PTPRT: variants seen among roughly 807,000 people sequenced by gnomAD.
PTPRT encodes the protein receptor-type tyrosine-protein phosphatase T.
PTPRT carries 56 observed loss-of-function variants against 176.8 expected under a neutral mutation model. That is an observed-to-expected ratio of 0.32 (90% CI 0.26 to 0.40). The LOEUF is 0.40. Ranked by LOEUF, PTPRT falls within the 10% of genes least tolerant of loss-of-function variation. PTPRT has a pLI of 1.00. For synonymous variants in PTPRT, 783 were observed against 739.0 expected, an observed-to-expected ratio of 1.06 and a Z score of -0.96; for missense variants, 1,540 against 1,908.2, an observed-to-expected ratio of 0.81 and a Z score of 3.60.
chr20:42,537,813 C>G (rs1026175022), intron 7 of PTPRT, among the ~76,000 whole-genome samples: 1 of 152,090 alleles, frequency 6.6e-6, no homozygotes, highest in African/African-American at 2.4e-5. Context: ...TTAGATTTCA[C>G]GGGTAATGGC....
At chr20:42,041,539 T>C in the PTPRT span, among the ~76,000 whole-genome samples, 1 of 152,192 alleles carries the variant, frequency 6.6e-6, no homozygotes, top group East Asian at 1.9e-4. Flanking sequence ...GTTCAGCCCC[T>C]TAACATTTAT....
intron 1 of PTPRT, among the ~76,000 whole-genome samples, chr20:43,030,628 C>A (rs1986104272): frequency 6.6e-6 from 1 of 152,100 alleles, no homozygotes; most frequent in African/African-American, 2.4e-5. Context: ...CCACTGGAAT[C>A]AGGTTGAGAA....
At chr20:42,087,543 G>A (rs905334973) in intron 27 of PTPRT, among the ~76,000 whole-genome samples, 1 of 150,638 alleles carries the variant, frequency 6.6e-6, no homozygotes, top group African/African-American at 2.4e-5. Context: ...CACTGCACCT[G>A]GCCATAAATT....
intron 24 of PTPRT, among the ~76,000 whole-genome samples, chr20:42,105,091 G>A (rs1986310035): frequency 6.6e-6 from 1 of 152,170 alleles, no homozygotes; most frequent in African/African-American, 2.4e-5. Context: ...GGGATACTTG[G>A]GCTGTGTGGA....
At chr20:42,407,372 C>G (rs2058971669) in intron 9 of PTPRT, among the ~76,000 whole-genome samples, 1 of 152,180 alleles carries the variant, frequency 6.6e-6, no homozygotes, top group Admixed American at 6.5e-5. Context: ...ATTCACTTTT[C>G]ACTGGAGTCA....
At chr20:42,456,519 GC>G (rs768189190) in intron 8 of PTPRT, among the ~76,000 whole-genome samples, 4 of 151,942 alleles carry the variant, frequency 2.6e-5, no homozygotes, top group African/African-American at 4.8e-5. Flanking sequence ...GGTTGAGGGG[GC>G]CCATTTTTAT....
intron 16 of PTPRT, 85 bp downstream of exon 16, chr20:42,199,155 T>C: frequency 6.7e-7 from 1 of 1,492,378 alleles, no homozygotes; most frequent in Non-Finnish European, 9.1e-7. Context: ...TGGCAGCACC[T>C]GATCAATGTG....
At chr20:42,543,808 CA>C (rs1330291229) in intron 7 of PTPRT, among the ~76,000 whole-genome samples, 11 of 151,938 alleles carry the variant, frequency 7.2e-5, no homozygotes, top group African/African-American at 2.7e-4. Flanking sequence ...GGCATGAAAA[CA>C]ACGTTAATCT....
chr20:42,096,196 G>A (rs891984427), intron 27 of PTPRT, among the ~76,000 whole-genome samples: 6 of 152,124 alleles, frequency 3.9e-5, no homozygotes, highest in East Asian at 1.9e-4. Flanking sequence ...TCTCCTCCCC[G>A]GTCTCCTGGT....
intron 1 of PTPRT, among the ~76,000 whole-genome samples, chr20:43,111,058 A>G (rs1345059252): frequency 6.6e-6 from 1 of 152,176 alleles, no homozygotes; most frequent in African/African-American, 2.4e-5. Context: ...ACCAGAGGCT[A>G]GGAAGGGAAA....
intron 1 of PTPRT, among the ~76,000 whole-genome samples, chr20:42,999,281 CA>C (rs1302961798): frequency 6.6e-6 from 1 of 152,114 alleles, no homozygotes; most frequent in African/African-American, 2.4e-5. Context: ...AAGCACACGT[CA>C]AAAAGCAAAC....
intron 1 of PTPRT, among the ~76,000 whole-genome samples, chr20:43,083,353 T>TAC (rs1323773458): frequency 8.6e-5 from 11 of 128,442 alleles, no homozygotes; most frequent in Non-Finnish European, 9.9e-5. Flanking sequence ...TATATATATA[T>TAC]ATATATATAT....
chr20:43,048,335 G>C (rs1366604061), intron 1 of PTPRT, among the ~76,000 whole-genome samples: 1 of 152,196 alleles, frequency 6.6e-6, no homozygotes, highest in Admixed American at 6.5e-5. Context: ...TGGGGAGACT[G>C]TCAGGGGTCC....
chr20:42,270,263 G>A, intron 13 of PTPRT: 1 of 747,970 alleles, frequency 1.3e-6, no homozygotes, highest in African/African-American at 1.8e-5. Flanking sequence ...TGGGTTGATG[G>A]GTGAATGGGT....
chr20:42,826,098 G>A (rs528508351), intron 2 of PTPRT, among the ~76,000 whole-genome samples: 25 of 152,084 alleles, frequency 1.6e-4, no homozygotes, highest in Admixed American at 5.2e-4. Flanking sequence ...CAAGCAGAGA[G>A]GATATAGCTT....
At chr20:42,158,091 C>T (rs1989439098) in intron 17 of PTPRT, among the ~76,000 whole-genome samples, 1 of 152,236 alleles carries the variant, frequency 6.6e-6, no homozygotes, top group South Asian at 2.1e-4. Context: ...GTACCCTGCA[C>T]AGATTCCACA....
intron 1 of PTPRT, among the ~76,000 whole-genome samples, chr20:42,907,879 A>G (rs1282455809): frequency 6.6e-6 from 1 of 152,146 alleles, no homozygotes; most frequent in African/African-American, 2.4e-5. Flanking sequence ...CAGGTGCCCC[A>G]AAACAGCCCA....
intron 16 of PTPRT, among the ~76,000 whole-genome samples, chr20:42,174,177 G>GC (rs1990187964): frequency 6.6e-6 from 1 of 151,934 alleles, no homozygotes; most frequent in African/African-American, 2.4e-5. Flanking sequence ...ACTATGGCTT[G>GC]TTAAGATAAA....
intron 1 of PTPRT, among the ~76,000 whole-genome samples, chr20:42,902,061 T>C (rs1193176818): frequency 2.6e-5 from 4 of 152,178 alleles, no homozygotes; most frequent in Non-Finnish European, 4.4e-5. Flanking sequence ...GAAGGCAATC[T>C]AATAGCTGTC....
Sources: allele counts gnomAD v4.1 joint callset (sites outside exome capture counted in the v4.1 genomes callset), GRCh38; gene constraint gnomAD v4.1.1; transcripts MANE v1.5; gene names NCBI Gene and HGNC (gene_info 2026-07-23, HGNC 2026-07-21).